The following CTNND2 variants were observed in gnomAD, a reference collection of about 807,000 sequenced individuals.
The protein encoded by CTNND2 is catenin delta 2.
A neutral mutation model predicts 144.4 loss-of-function variants in CTNND2; 22 were observed. The ratio of observed to expected loss-of-function variants is 0.15; its 90% CI spans 0.11 to 0.22. The LOEUF (loss-of-function observed/expected upper bound fraction) is 0.22, where lower values mean the gene tolerates loss of function less well. CTNND2 is among the 10% of genes least tolerant of loss of function. The pLI, the probability that CTNND2 is intolerant of heterozygous loss-of-function variation, is 1.00. For synonymous variants in CTNND2, 751 were observed against 695.6 expected (o/e 1.08, Z -1.25); for missense variants, 1,353 against 1,618.8 (o/e 0.84, Z 2.82).
intron 3 of CTNND2, among the ~76,000 whole-genome samples, chr5:11,487,473 C>A (rs26150): frequency 0.36 from 53,988 of 151,752 alleles, 10,160 homozygotes; most frequent in South Asian, 0.44. Flanking sequence ...ATATTAAACT[C>A]CAAATCACAT....
intron 1 of CTNND2, among the ~76,000 whole-genome samples, chr5:11,809,702 T>C (rs1450264572): frequency 6.6e-6 from 1 of 152,132 alleles, no homozygotes; most frequent in Non-Finnish European, 1.5e-5. Flanking sequence ...GACATAGAAA[T>C]TGGTCACAGC....
intron 3 of CTNND2, among the ~76,000 whole-genome samples, chr5:11,466,374 T>C (rs1482034095): frequency 6.6e-6 from 1 of 152,228 alleles, no homozygotes; most frequent in Non-Finnish European, 1.5e-5. Flanking sequence ...CTAAGCCTTT[T>C]TTCAGTATCC....
chr5:11,086,557 T>C (rs933650053), intron 15 of CTNND2, among the ~76,000 whole-genome samples: 1 of 152,194 alleles, frequency 6.6e-6, no homozygotes, highest in African/African-American at 2.4e-5. Flanking sequence ...TTTCTATTTG[T>C]TGGCATCAGG....
At chr5:11,310,368 C>A (rs1393538533) in intron 9 of CTNND2, among the ~76,000 whole-genome samples, 1 of 151,882 alleles carries the variant, frequency 6.6e-6, no homozygotes, top group African/African-American at 2.4e-5. Flanking sequence ...TTAAAGTGAG[C>A]CCTTATCTTC....
At position 11,904,288 on chromosome 5, in the gene CTNND2, G is replaced by A. The variant is rs1335919268; in HGVS notation, c.-435C>T. Reference sequence around the variant, plus strand: ...CGCTCCCGAGCTGCGCCCCGCGCGCGGCCCGCGCCACCTGTGCCGCCGCCG... The same window carrying A: ...CGCTCCCGAGCTGCGCCCCGCGCGCAGCCCGCGCCACCTGTGCCGCCGCCG... On this transcript the variant is annotated 5_prime_UTR_variant, in exon 1 of 22. Transcript: ENST00000304623. The surrounding 1 kb of genome is among the most constrained non-coding windows in gnomAD (Gnocchi z 4.2). 1.4e-5 allele frequency among the ~76,000 whole-genome samples: 2 copies of A among 146,356 alleles called. No homozygotes were observed. Among genetic ancestry groups the A allele is most frequent in the South Asian group, 2.1e-4 (1 of 4,788 alleles).
intron 2 of CTNND2, among the ~76,000 whole-genome samples, chr5:11,722,175 C>T (rs957583938): frequency 9.2e-5 from 14 of 152,182 alleles, no homozygotes; most frequent in Non-Finnish European, 1.5e-4. Flanking sequence ...TGCTTTAAGA[C>T]ACCATTTTCA....
chr5:11,676,644 T>C (rs995751378), intron 2 of CTNND2, among the ~76,000 whole-genome samples: 2 of 151,766 alleles, frequency 1.3e-5, no homozygotes, highest in Admixed American at 6.6e-5. Flanking sequence ...ATTTTTTCAA[T>C]ACCTGAAAAA....
At position 11,774,568 on chromosome 5, in the gene CTNND2, A is replaced by T. The variant is rs56192944; in HGVS notation, c.38-42296T>A. Among the ~76,000 whole-genome samples, 1,208 of 150,262 alleles carry T rather than the reference A, an allele frequency of 8.0e-3. 32 individuals are homozygous for T. Among genetic ancestry groups the T allele is most frequent in the African/African-American group, 0.028 (1,150 of 41,084 alleles). On this transcript the variant is annotated intron_variant, in intron 1 of 21. Transcript: ENST00000304623. ...AGTATAATAAAAAAAAATTAAAAAA[A>T]AAAACAATGATGGCTTTAGTCTAAA...
chr5:11,326,665 T>C (rs777117652), intron 9 of CTNND2, among the ~76,000 whole-genome samples: 4 of 152,174 alleles, frequency 2.6e-5, no homozygotes, highest in Non-Finnish European at 4.4e-5. Flanking sequence ...CTCATCCCTT[T>C]GCTCCCTGAC....
chr5:11,675,408 C>T (rs539666796), intron 2 of CTNND2, among the ~76,000 whole-genome samples: 2 of 152,184 alleles, frequency 1.3e-5, no homozygotes, highest in East Asian at 3.9e-4. Context: ...GGGATGAATG[C>T]CATTTGTTAG....
At chr5:11,761,737 C>T (rs1235951266) in intron 1 of CTNND2, among the ~76,000 whole-genome samples, 1 of 152,136 alleles carries the variant, frequency 6.6e-6, no homozygotes, top group Non-Finnish European at 1.5e-5. Flanking sequence ...CTGTAAAAGA[C>T]TCCATCAGGT....
intron 1 of CTNND2, among the ~76,000 whole-genome samples, chr5:11,815,331 C>A (rs1792563683): frequency 6.6e-6 from 1 of 152,088 alleles, no homozygotes; most frequent in Non-Finnish European, 1.5e-5. Context: ...ACATATGGAA[C>A]TTGTAGAAAA....
chr5:11,093,585 T>C (rs1394869797), intron 15 of CTNND2, among the ~76,000 whole-genome samples: 1 of 152,118 alleles, frequency 6.6e-6, no homozygotes, highest in East Asian at 1.9e-4. Context: ...ATGATCTTCC[T>C]ATAAAGAGAA....
At chr5:11,864,184 G>T (rs1013541566) in intron 1 of CTNND2, among the ~76,000 whole-genome samples, 1 of 152,068 alleles carries the variant, frequency 6.6e-6, no homozygotes, top group Admixed American at 6.6e-5. Context: ...CTCGAGGGAC[G>T]CCACCAGCAA....
chr5:11,822,836 T>A (rs955817187), intron 1 of CTNND2, among the ~76,000 whole-genome samples: 3 of 152,106 alleles, frequency 2.0e-5, no homozygotes, highest in Non-Finnish European at 4.4e-5. Context: ...CCTACGCATG[T>A]TTTCAGATGA....
At chr5:11,784,069 C>CAACAAG (rs1790701531) in intron 1 of CTNND2, among the ~76,000 whole-genome samples, 3 of 152,122 alleles carry the variant, frequency 2.0e-5, no homozygotes, top group Non-Finnish European at 2.9e-5. Context: ...AAAACAACAA[C>CAACAAG]CACTTATAGA....
In CTNND2 at chr5:11,729,567, T is replaced by C. The variant is rs149431752; in HGVS notation, c.174+2569A>G. Among the ~76,000 whole-genome samples, 142 of 152,328 alleles carry C rather than the reference T, an allele frequency of 9.3e-4. 2 individuals are homozygous for C. In the East Asian group the frequency reaches 0.025, roughly 27 times the overall value. ...TTTACTAATGACTGCATAATATTTA[T>C]AGAAAGAATATAACATTTTCAACTC... On this transcript the variant is annotated intron_variant, in intron 2 of 21. Transcript: ENST00000304623.
At chr5:11,756,912 C>G (rs771241344) in intron 1 of CTNND2, among the ~76,000 whole-genome samples, 7 of 151,448 alleles carry the variant, frequency 4.6e-5, no homozygotes, top group Non-Finnish European at 1.0e-4. Context: ...TTTAAGAATA[C>G]ATTTAAACTG....
At position 11,903,523 on chromosome 5, in the gene CTNND2, T is replaced by A; in HGVS notation, c.37+294A>T. 1.7e-6 allele frequency: 1 copy of A among 573,750 alleles called. No homozygotes were observed. The highest frequency in any genetic ancestry group is 2.6e-6 in the Non-Finnish European group (1 of 389,944). 35.5% of individuals were successfully genotyped at this position (573,750 alleles called of 1,614,324 possible). A position where few individuals can be genotyped will look rare whatever the true frequency, so the allele number is the denominator to read the frequency against. On this transcript the variant is annotated intron_variant, in intron 1 of 21. Coordinates refer to ENST00000304623, the MANE Select transcript of CTNND2 (RefSeq NM_001332.4). The surrounding 1 kb of genome is among the most constrained non-coding windows in gnomAD (Gnocchi z 5.4). The stretch of plus-strand genomic sequence containing the variant: ...GGGAGCAGCATTGTCGGTGTTGCCC[T>A]AAATACGCTTCCTCCCGGGGAGATG...
Sources: allele counts gnomAD v4.1 joint callset (sites outside exome capture counted in the v4.1 genomes callset), GRCh38; gene constraint gnomAD v4.1.1; non-coding constraint Gnocchi (gnomAD v3.1); transcripts MANE v1.5; gene names NCBI Gene and HGNC (gene_info 2026-07-23, HGNC 2026-07-21).